FAM135A: variants seen among roughly 807,000 people sequenced by gnomAD.
The protein encoded by FAM135A is protein FAM135A.
In FAM135A, 79 loss-of-function variants were observed where a neutral mutation model predicts 146.8. That is an observed-to-expected ratio of 0.54 (90% CI 0.45 to 0.65). FAM135A has a LOEUF of 0.65. Among genes scored for constraint, FAM135A ranks in the 30% least tolerant of loss-of-function variants. FAM135A has a pLI of 0.00. For missense variants in FAM135A, 1,623 were observed against 1,758.2 expected, an observed-to-expected ratio of 0.92 and a Z score of 1.38; for synonymous variants, 562 against 603.6, an observed-to-expected ratio of 0.93 and a Z score of 1.01.
chr6:70,421,230 A>T (rs1768768016), intron 2 of FAM135A, among the ~76,000 whole-genome samples: 1 of 152,168 alleles, frequency 6.6e-6, no homozygotes, highest in Non-Finnish European at 1.5e-5. Flanking sequence ...ATTAAGGTAA[A>T]ATGTAATCCC....
At chr6:70,538,532 T>G (rs1308966773) in intron 20 of FAM135A, 131 bp downstream of exon 20, 1 of 455,316 alleles carries the variant, frequency 2.2e-6, no homozygotes, top group Non-Finnish European at 3.7e-6. Context: ...AATTTCCTAA[T>G]AATGAAACAG....
At chr6:70,480,018 C>T (rs1472713834) in intron 8 of FAM135A, among the ~76,000 whole-genome samples, 2 of 152,136 alleles carry the variant, frequency 1.3e-5, no homozygotes. Flanking sequence ...GCAAGCAAAA[C>T]CTGCACTCTG....
intron 18 of FAM135A, 89 bp downstream of exon 18, chr6:70,533,943 C>A: frequency 3.4e-6 from 2 of 581,460 alleles, no homozygotes; most frequent in South Asian, 3.8e-5. Flanking sequence ...TTGTCCTATT[C>A]TGAAATATAG....
At chr6:70,446,262 A>G (rs1775717170) in intron 4 of FAM135A, among the ~76,000 whole-genome samples, 1 of 152,212 alleles carries the variant, frequency 6.6e-6, no homozygotes. Flanking sequence ...CCTTATGTTT[A>G]GCTTCTACAA....
chr6:70,429,653 A>G (rs1771041931), intron 4 of FAM135A, among the ~76,000 whole-genome samples: 1 of 152,218 alleles, frequency 6.6e-6, no homozygotes, highest in Non-Finnish European at 1.5e-5. Flanking sequence ...AGAAGAGTTG[A>G]CACTAGGGAT....
At chr6:70,530,326 G>A (rs1795560204) in intron 16 of FAM135A, among the ~76,000 whole-genome samples, 1 of 151,970 alleles carries the variant, frequency 6.6e-6, no homozygotes, top group South Asian at 2.1e-4. Context: ...TCCTTAATGT[G>A]ATTAAGCATA....
At chr6:70,467,736 CCT>C (rs896721379) in intron 5 of FAM135A, among the ~76,000 whole-genome samples, 1 of 151,726 alleles carries the variant, frequency 6.6e-6, no homozygotes, top group Non-Finnish European at 1.5e-5. Flanking sequence ...TCTCTCCTTC[CCT>C]CTCTCTCATC....
intron 12 of FAM135A, among the ~76,000 whole-genome samples, chr6:70,521,389 C>T (rs1390109075): frequency 6.6e-6 from 1 of 152,114 alleles, no homozygotes; most frequent in Non-Finnish European, 1.5e-5. Context: ...TTTTCTCTCA[C>T]CTTTCCTTTA....
At chr6:70,536,836 C>G (rs1398389921) in intron 19 of FAM135A, among the ~76,000 whole-genome samples, 1 of 151,098 alleles carries the variant, frequency 6.6e-6, no homozygotes, top group Non-Finnish European at 1.5e-5. Flanking sequence ...ATAATTTTTA[C>G]GAAGGTGATT....
chr6:70,507,461 T>C (rs1269655560), intron 12 of FAM135A, among the ~76,000 whole-genome samples: 2 of 152,128 alleles, frequency 1.3e-5, no homozygotes, highest in Non-Finnish European at 2.9e-5. Context: ...AGCAGCACAA[T>C]TGAGCAAAGT....
chr6:70,458,195 TAGC>T (rs1169919341), intron 5 of FAM135A, among the ~76,000 whole-genome samples: 1 of 152,112 alleles, frequency 6.6e-6, no homozygotes, highest in East Asian at 1.9e-4. Context: ...AGTTAAATGA[TAGC>T]AGCCAAAATA....
intron 20 of FAM135A, among the ~76,000 whole-genome samples, chr6:70,546,268 C>A (rs1430820628): frequency 6.6e-6 from 1 of 152,090 alleles, no homozygotes; most frequent in Non-Finnish European, 1.5e-5. Context: ...TTAAAACAAT[C>A]AAAAGTGATC....
intron 10 of FAM135A, among the ~76,000 whole-genome samples, chr6:70,482,580 T>C (rs1445542844): frequency 6.6e-6 from 1 of 152,156 alleles, no homozygotes; most frequent in African/African-American, 2.4e-5. Context: ...TTATCTCAGA[T>C]CTCAAATTCC....
intron 11 of FAM135A, among the ~76,000 whole-genome samples, chr6:70,496,725 T>G (rs1787356980): frequency 6.6e-6 from 1 of 152,196 alleles, no homozygotes. Context: ...TGCATATGGC[T>G]AGCCAGTTTT....
At chr6:70,494,494 C>T (rs1198691127) in intron 11 of FAM135A, among the ~76,000 whole-genome samples, 6 of 151,548 alleles carry the variant, frequency 4.0e-5, no homozygotes, top group Admixed American at 3.9e-4. Context: ...AACCTTGTCT[C>T]AAGTTTAAAA....
chr6:70,548,772 A>G (rs1027496144), intron 20 of FAM135A, among the ~76,000 whole-genome samples: 2 of 152,186 alleles, frequency 1.3e-5, no homozygotes, highest in African/African-American at 4.8e-5. Flanking sequence ...TGGCAAATAC[A>G]TAATTCATTC....
At chr6:70,454,318 G>A in intron 5 of FAM135A, among the ~76,000 whole-genome samples, 1 of 152,194 alleles carries the variant, frequency 6.6e-6, no homozygotes, top group East Asian at 1.9e-4. Flanking sequence ...CCCTTTGTCA[G>A]ATGGGTAGAT....
chr6:70,424,033 T>C (rs1034334949), intron 2 of FAM135A, among the ~76,000 whole-genome samples: 2 of 152,240 alleles, frequency 1.3e-5, no homozygotes, highest in African/African-American at 4.8e-5. Context: ...ACTCTTTTCA[T>C]GAGAATGATG....
chr6:70,499,298 T>A (rs770665860), intron 11 of FAM135A, among the ~76,000 whole-genome samples: 5 of 152,186 alleles, frequency 3.3e-5, no homozygotes, highest in Admixed American at 6.5e-5. Context: ...TTTCATCCCC[T>A]GCTGTTTGTT....
Sources: allele counts gnomAD v4.1 joint callset (sites outside exome capture counted in the v4.1 genomes callset), GRCh38; gene constraint gnomAD v4.1.1; transcripts MANE v1.5; gene names NCBI Gene and HGNC (gene_info 2026-07-23, HGNC 2026-07-21).